CPA3: variants seen among roughly 807,000 people sequenced by gnomAD.
CPA3 encodes carboxypeptidase A3, also known as mast cell carboxypeptidase A.
CPA3 carries 52 observed loss-of-function variants against 55.8 expected under a neutral mutation model. The observed-to-expected ratio is 0.93, with a 90% CI of 0.75 to 1.17. CPA3 has a LOEUF of 1.17. Among genes scored for constraint, CPA3 ranks in the 50% most tolerant of loss-of-function variants. The pLI is 0.00. For missense variants in CPA3, 547 were observed against 509.1 expected, an observed-to-expected ratio of 1.07 and a Z score of -0.72; for synonymous variants, 179 against 171.2, an observed-to-expected ratio of 1.05 and a Z score of -0.36.
At chr3:148,879,922 T>G (rs560737308) in intron 6 of CPA3, 33 bp downstream of exon 6, 1 of 1,449,418 alleles carries the variant, frequency 6.9e-7, no homozygotes, top group African/African-American at 1.4e-5. Flanking sequence ...AATTCTCCTT[T>G]GACTGCCAAG....
chr3:148,867,870 C>A (rs1713947005), intron 2 of CPA3, among the ~76,000 whole-genome samples: 1 of 152,092 alleles, frequency 6.6e-6, no homozygotes, highest in Non-Finnish European at 1.5e-5. Flanking sequence ...GAACTGGAAT[C>A]TTTTCAATGT....
rs893692248 is a variant in CPA3 at position 148,879,887 on chromosome 3, C to T, written c.574C>T (p.Gln192Ter). 1 of 1,606,180 alleles carries T rather than the reference C, an allele frequency of 6.2e-7. No homozygotes were observed. The highest frequency in any genetic ancestry group is 8.5e-7 in the Non-Finnish European group (1 of 1,173,198). ...SPAFCQWFVY[Q>*]ATKTYGRNKI... ...AGCATTCTGCCAGTGGTTTGTCTATCAGGTAAGTGAATCAGAAGACTCCCA... is the reference window on the plus strand; with the variant it reads ...AGCATTCTGCCAGTGGTTTGTCTATTAGGTAAGTGAATCAGAAGACTCCCA... The change falls in exon 6 of 11, where the codon CAG becomes TAG. Residue 192 changes from glutamine (Q) to a stop codon, truncating the protein, a stop_gained and splice_region_variant. Coordinates refer to ENST00000296046, the MANE Select transcript of CPA3 (RefSeq NM_001870.4). LOFTEE classifies it high-confidence loss of function.
intron 6 of CPA3, 166 bp from the exon 7 acceptor site, chr3:148,881,356 C>T: frequency 2.1e-6 from 1 of 487,068 alleles, no homozygotes; most frequent in Non-Finnish European, 3.6e-6. Flanking sequence ...AGGTTTTTTT[C>T]CCCTTTAAAC....
intron 3 of CPA3, among the ~76,000 whole-genome samples, chr3:148,877,621 G>A (rs1714243734): frequency 6.6e-6 from 1 of 152,066 alleles, no homozygotes; most frequent in Admixed American, 6.6e-5. Context: ...TTCAAATCAT[G>A]TTAGCCATTT....
At chr3:148,873,926 T>C (rs957757117) in intron 3 of CPA3, among the ~76,000 whole-genome samples, 3 of 152,230 alleles carry the variant, frequency 2.0e-5, no homozygotes, top group Admixed American at 6.5e-5. Flanking sequence ...TAATTATTTA[T>C]CCTTTCACCT....
At chr3:148,869,130 A>T in intron 3 of CPA3, 91 bp downstream of exon 3, 1 of 1,432,134 alleles carries the variant, frequency 7.0e-7, no homozygotes, top group Non-Finnish European at 9.5e-7. Flanking sequence ...ACCTATTTTT[A>T]ATTGGGCCCC....
intron 10 of CPA3, among the ~76,000 whole-genome samples, chr3:148,887,352 TA>T (rs1327350976): frequency 6.6e-6 from 1 of 152,324 alleles, no homozygotes; most frequent in Middle Eastern, 3.4e-3. Flanking sequence ...ATGGAGTCTT[TA>T]CAAGTTAGGC....
rs141428447 is a variant in CPA3, at chr3:148,882,719, C to T, written c.778+124C>T. ...TTTGAGTGAGTGTTAACTTTTGTAT[C>T]TATAACATGAAAGACAATCATCACT... On this transcript the variant is annotated intron_variant, in intron 8 of 10. Transcript: ENST00000296046. The T allele has an allele frequency of 2.0e-4, 147 of 717,780 alleles. No individual in the cohort carries two copies. The African/African-American group carries it at 2.1e-3, about 10-fold the overall frequency. The allele number at this position is 717,780 out of a possible 1,614,324, so 44.5% of individuals were successfully genotyped here.
chr3:148,883,015 G>A (rs78144545), intron 8 of CPA3, among the ~76,000 whole-genome samples: 2,216 of 152,274 alleles, frequency 0.015, 45 homozygotes, highest in African/African-American at 0.05. Flanking sequence ...ACAGAAATAC[G>A]ATGATAAGCA....
chr3:148,870,960 G>T (rs149938437), intron 3 of CPA3, among the ~76,000 whole-genome samples: 2 of 152,068 alleles, frequency 1.3e-5, no homozygotes, highest in African/African-American at 2.4e-5. Flanking sequence ...GTGCAGTGGC[G>T]CAATCTGGGT....
In CPA3 at chr3:148,883,666, G is replaced by C. The variant is rs1400580348; in HGVS notation, c.832G>C (p.Glu278Gln). 3.1e-6 allele frequency: 5 copies of C among 1,614,076 alleles called. No homozygotes were observed. The highest frequency in any genetic ancestry group is 4.2e-6 in the Non-Finnish European group (5 of 1,179,966). The change falls in exon 9 of 11, where the codon GAG (glutamate) becomes CAG (glutamine). Residue 278 changes from glutamate (E) to glutamine (Q), a missense_variant. Coordinates refer to ENST00000296046, the MANE Select transcript of CPA3 (RefSeq NM_001870.4). Reference sequence around the variant, plus strand: ...AGATAACTATCGGGGCTCTGCACCAGAGTCCGAGAAAGAGACGAAAGCTGT... The same window carrying C: ...AGATAACTATCGGGGCTCTGCACCACAGTCCGAGAAAGAGACGAAAGCTGT... ...CADNYRGSAPESEKETKAVTN... is the reference protein window; with the variant it reads ...CADNYRGSAPQSEKETKAVTN...
In CPA3 at chr3:148,883,557, A is replaced by G. The variant is rs1714431470; in HGVS notation, c.779-56A>G. The G allele has an allele frequency of 2.9e-6, 4 of 1,367,224 alleles. No homozygotes were observed. The African/African-American group carries it at 5.7e-5, about 20-fold the overall frequency. The allele number at this position is 1,367,224 out of a possible 1,614,324, so 84.7% of individuals were successfully genotyped here. A position where few individuals can be genotyped will look rare whatever the true frequency, so the allele number is the denominator to read the frequency against. On this transcript the variant is annotated intron_variant, in intron 8 of 10. Transcript: ENST00000296046. ...GAATCTATAATACATTAGAAGAGGC[A>G]GGAGCTATATGGATGGGGAGCAGAC...
intron 10 of CPA3, among the ~76,000 whole-genome samples, chr3:148,893,202 C>T (rs972241293): frequency 6.6e-6 from 1 of 151,346 alleles, no homozygotes; most frequent in Non-Finnish European, 1.5e-5. Flanking sequence ...GAGATGATTG[C>T]AGTTTCAAAC....
chr3:148,892,182 A>C (rs1000983104), intron 10 of CPA3, among the ~76,000 whole-genome samples: 3 of 152,042 alleles, frequency 2.0e-5, no homozygotes, highest in Non-Finnish European at 4.4e-5. Flanking sequence ...CAATATATGG[A>C]TACTTCCTCA....
At chr3:148,893,518 C>A (rs541053129) in intron 10 of CPA3, among the ~76,000 whole-genome samples, 1 of 152,146 alleles carries the variant, frequency 6.6e-6, no homozygotes, top group South Asian at 2.1e-4. Flanking sequence ...CTAAACAAAG[C>A]CTCAGGAACA....
intron 8 of CPA3, 23 bp downstream of exon 8, chr3:148,882,618 A>C (rs1319408453): frequency 6.3e-7 from 1 of 1,593,566 alleles, no homozygotes; most frequent in Admixed American, 1.7e-5. Flanking sequence ...CTTGCTATCA[A>C]GGAAAATTGC....
At chr3:148,889,974 G>A (rs981016292) in intron 10 of CPA3, among the ~76,000 whole-genome samples, 3 of 151,676 alleles carry the variant, frequency 2.0e-5, no homozygotes, top group African/African-American at 4.8e-5. Context: ...GGAGGAGCTC[G>A]GCACTCAATT....
chr3:148,883,127 C>T (rs149821163), intron 8 of CPA3, among the ~76,000 whole-genome samples: 4 of 152,166 alleles, frequency 2.6e-5, no homozygotes, highest in Admixed American at 6.5e-5. Flanking sequence ...TTATATATTT[C>T]TTCTGTGCCT....
intron 3 of CPA3, among the ~76,000 whole-genome samples, chr3:148,871,494 G>A (rs554696154): frequency 6.6e-6 from 1 of 152,290 alleles, no homozygotes; most frequent in Admixed American, 6.5e-5. Flanking sequence ...AAGACACCTA[G>A]GCAGGCAGCT....
Sources: allele counts gnomAD v4.1 joint callset (sites outside exome capture counted in the v4.1 genomes callset), GRCh38; gene constraint gnomAD v4.1.1; transcripts MANE v1.5; gene names NCBI Gene and HGNC (gene_info 2026-07-23, HGNC 2026-07-21).